SFMBT2: variants seen among roughly 807,000 people sequenced by gnomAD.
SFMBT2 encodes Scm like with four mbt domains 2, also known as scm-like with four MBT domains protein 2.
Under a neutral mutation model 110.1 loss-of-function variants are expected in SFMBT2, and 38 were observed. That is an observed-to-expected ratio of 0.35 (90% CI 0.27 to 0.45). The LOEUF (loss-of-function observed/expected upper bound fraction) is 0.45. Among genes scored for constraint, SFMBT2 ranks in the 20% least tolerant of loss-of-function variants. The pLI is 1.00. For synonymous variants in SFMBT2, 425 were observed against 425.4 expected (o/e 1.00, Z 0.01); for missense variants, 1,011 against 1,094.9 (o/e 0.92, Z 1.08).
intron 7 of SFMBT2, chr10:7,264,087 G>T (rs76605313): frequency 7.8e-5 from 19 of 244,130 alleles, no homozygotes; most frequent in Admixed American, 5.2e-4. Context: ...GGGTGTCCAT[G>T]CAGGGAAGGT....
intron 9 of SFMBT2, chr10:7,241,205 G>A (rs117780356): frequency 0.01 from 4,089 of 400,744 alleles, 19 homozygotes; most frequent in Non-Finnish European, 0.012. Context: ...TAACCCAGCC[G>A]TGTGGAACTG....
At chr10:7,164,533 C>T (rs1278585496) in intron 20 of SFMBT2, 27 of 791,542 alleles carry the variant, frequency 3.4e-5, no homozygotes, top group Non-Finnish European at 3.8e-5. Flanking sequence ...CTTATCGCCC[C>T]TTGCTGGGAG....
Position 7,158,986 on chromosome 10 carries a change from G to GT in SFMBT2, c.*4783dup, listed in dbSNP as rs1420717584. ...TCATGCTGGCTCCTGTTTCAAGCAA[G>GT]TGAGATGATTATCTTTTTCTGTCAT... On this transcript the variant is annotated 3_prime_UTR_variant, in exon 21 of 21. Coordinates refer to ENST00000397167, the MANE Select transcript of SFMBT2 (RefSeq NM_001387889.1). 1 of 152,172 alleles carries GT rather than the reference G, an allele frequency of 6.6e-6. No individual in the cohort carries two copies. The highest frequency in any genetic ancestry group is 2.4e-5 in the African/African-American group (1 of 41,446). 9.4% of individuals were successfully genotyped at this position (152,172 alleles called of 1,614,324 possible).
intron 4 of SFMBT2, among the ~76,000 whole-genome samples, chr10:7,291,611 A>G (rs1842262722): frequency 6.6e-6 from 1 of 152,150 alleles, no homozygotes; most frequent in South Asian, 2.1e-4. Flanking sequence ...TCTGGCCAAC[A>G]ATGCTCATGC....
chr10:7,298,555 T>C (rs367830546), intron 4 of SFMBT2, among the ~76,000 whole-genome samples: 3 of 152,226 alleles, frequency 2.0e-5, no homozygotes, highest in African/African-American at 2.4e-5. Flanking sequence ...CCAGGGATTA[T>C]GAGCCCATAC....
intron 16 of SFMBT2, among the ~76,000 whole-genome samples, chr10:7,179,988 A>G (rs1456148486): frequency 6.6e-6 from 1 of 152,198 alleles, no homozygotes; most frequent in African/African-American, 2.4e-5. Flanking sequence ...TGAGGGGTAG[A>G]GGGGACTGAG....
intron 6 of SFMBT2, among the ~76,000 whole-genome samples, chr10:7,280,001 T>C (rs541411132): frequency 1.3e-5 from 2 of 152,334 alleles, no homozygotes; most frequent in East Asian, 3.9e-4. Flanking sequence ...CCCAAAGGGA[T>C]GCCTTTGGGA....
intron 16 of SFMBT2, among the ~76,000 whole-genome samples, chr10:7,177,578 GAA>G (rs1275095660): frequency 1.3e-5 from 2 of 152,150 alleles, no homozygotes; most frequent in African/African-American, 4.8e-5. Flanking sequence ...GTAAGAAGAT[GAA>G]AAGTTTGAGT....
chr10:7,268,560 G>C (rs1163764856), intron 7 of SFMBT2, among the ~76,000 whole-genome samples: 1 of 151,922 alleles, frequency 6.6e-6, no homozygotes, highest in Admixed American at 6.6e-5. Context: ...GCCCAGGCTG[G>C]AGTGCAGTGG....
intron 14 of SFMBT2, among the ~76,000 whole-genome samples, chr10:7,198,509 T>C (rs1197381706): frequency 1.3e-5 from 2 of 152,190 alleles, no homozygotes; most frequent in African/African-American, 2.4e-5. Flanking sequence ...ACTACCCCAA[T>C]TGACACTCTT....
rs1841653137 is a variant in SFMBT2, at chr10:7,273,150, A to G, written c.870+3742T>C. Among the ~76,000 whole-genome samples the G allele has an allele frequency of 4.6e-5, 7 of 152,336 alleles. No individual in the cohort carries two copies. In the South Asian group the frequency reaches 1.4e-3, roughly 32 times the overall value. On this transcript the variant is annotated intron_variant, in intron 7 of 20. Coordinates refer to ENST00000397167, the MANE Select transcript of SFMBT2 (RefSeq NM_001387889.1). ...AGCTCACCTAAAATTCTACACCCACACAAACTATCAATAAAGTATATGGAT... is the reference window on the plus strand; with the variant it reads ...AGCTCACCTAAAATTCTACACCCACGCAAACTATCAATAAAGTATATGGAT...
intron 16 of SFMBT2, among the ~76,000 whole-genome samples, chr10:7,185,169 C>A (rs1357917449): frequency 2.0e-5 from 3 of 152,180 alleles, no homozygotes; most frequent in African/African-American, 7.2e-5. Flanking sequence ...ATCAGACACG[C>A]CACACCGTGA....
chr10:7,287,465 T>C (rs1462018015), intron 4 of SFMBT2: 1 of 243,598 alleles, frequency 4.1e-6, no homozygotes, highest in Non-Finnish European at 6.6e-6. Flanking sequence ...AAAGCATATC[T>C]CTTTGGCATG....
intron 9 of SFMBT2, among the ~76,000 whole-genome samples, chr10:7,235,536 C>T (rs1840226730): frequency 6.6e-6 from 1 of 151,596 alleles, no homozygotes; most frequent in African/African-American, 2.4e-5. Context: ...ATACCACACA[C>T]ACACACACGC....
Position 7,214,456 on chromosome 10 carries a change from G to T in SFMBT2, c.1330+5955C>A, listed in dbSNP as rs185688040. 9.2e-6 allele frequency: 6 copies of T among 652,756 alleles called. No individual in the cohort carries two copies. In the East Asian group the frequency reaches 6.8e-4, roughly 74 times the overall value. The allele number at this position is 652,756 out of a possible 1,614,324, so 40.4% of individuals were successfully genotyped here. On this transcript the variant is annotated intron_variant, in intron 11 of 20. Transcript: ENST00000397167. ...GTCAGATAAATGGGAAGATGCCACC[G>T]GACAATTGCAGAGTGACGCATTTCT...
chr10:7,384,211 CAAAAAAAAAAAAA>C (rs59239303), intron 1 of SFMBT2, among the ~76,000 whole-genome samples: 19 of 27,980 alleles, frequency 6.8e-4, no homozygotes, highest in East Asian at 4.6e-3. Flanking sequence ...AACTCCATCT[CAAAAAAAAAAAAA>C]AAAAAAAAAA....
chr10:7,263,822 G>A (rs949547895), intron 7 of SFMBT2, among the ~76,000 whole-genome samples: 2 of 152,126 alleles, frequency 1.3e-5, no homozygotes, highest in Non-Finnish European at 2.9e-5. Flanking sequence ...AGAGAAGCCC[G>A]CGTCTTCCTT....
In SFMBT2 at chr10:7,292,327, A is replaced by C. The variant is rs79064564; in HGVS notation, c.437-6373T>G. ...ATGGAAGCACCTGCTCTTACTATTA[A>C]GAAAAAAAGATGACAGAGTTCTTTC... is the stretch of plus-strand genomic sequence containing the variant. On this transcript the variant is annotated intron_variant, in intron 4 of 20. Transcript: ENST00000397167. 2,093 of 236,552 alleles carry C rather than the reference A, an allele frequency of 8.8e-3. 48 individuals carry two copies. Among genetic ancestry groups the C allele is most frequent in the African/African-American group, 0.045 (1,959 of 43,576 alleles). The allele number at this position is 236,552 out of a possible 1,614,324, so 14.7% of individuals were successfully genotyped here. A position where few individuals can be genotyped will look rare whatever the true frequency, so the allele number is the denominator to read the frequency against.
rs115503311 is a variant in SFMBT2 at position 7,188,971 on chromosome 10, C to T, written c.1699-238G>A. On this transcript the variant is annotated intron_variant, in intron 15 of 20. Coordinates refer to ENST00000397167, the MANE Select transcript of SFMBT2 (RefSeq NM_001387889.1). ...TCTCTCTGGCTAGAAAAGTGTGAAC[C>T]ACTCTCTAGAGGGGGTGGCAGACTC... 560 of 238,160 alleles carry T rather than the reference C, an allele frequency of 2.4e-3. 3 individuals carry two copies. Among genetic ancestry groups the T allele is most frequent in the African/African-American group, 0.012 (521 of 43,100 alleles). The allele number at this position is 238,160 out of a possible 1,614,324, so 14.8% of individuals were successfully genotyped here.
Sources: gnomAD v4.1 joint callset for allele counts (sites outside exome capture counted in the v4.1 genomes callset) on GRCh38, gnomAD v4.1.1 for gene constraint, MANE v1.5 for transcripts, NCBI Gene and HGNC (gene_info 2026-07-23, HGNC 2026-07-21) for gene names.